NEK7: variants seen among roughly 807,000 people sequenced by gnomAD.
NEK7 encodes serine/threonine-protein kinase Nek7.
In NEK7, 18 loss-of-function variants were observed where a neutral mutation model predicts 44.6. The observed-to-expected ratio is 0.40, with a 90% CI of 0.28 to 0.60. The LOEUF is 0.60. Ranked by LOEUF, NEK7 falls within the 20% of genes least tolerant of loss-of-function variation. The pLI is 0.38. For synonymous variants in NEK7, 130 were observed against 121.1 expected (o/e 1.07, Z -0.48); for missense variants, 256 against 366.5 (o/e 0.70, Z 2.46).
intron 2 of NEK7, among the ~76,000 whole-genome samples, chr1:198,251,661 G>A (rs574326505): frequency 7.9e-5 from 12 of 151,718 alleles, no homozygotes; most frequent in Admixed American, 2.6e-4. Flanking sequence ...GTTTATTTGC[G>A]TAGAGGTGTT....
chr1:198,191,385 A>G (rs1665068883), intron 1 of NEK7, among the ~76,000 whole-genome samples: 1 of 151,776 alleles, frequency 6.6e-6, no homozygotes, highest in African/African-American at 2.4e-5. Flanking sequence ...CTGTTGTTTA[A>G]TTTGCATCTC....
rs140181207 is a variant in NEK7 at position 198,210,741 on chromosome 1, C to CTTTT, written c.-28-21786_-28-21783dup. On this transcript the variant is annotated intron_variant, in intron 1 of 9. Coordinates refer to ENST00000367385, the MANE Select transcript of NEK7 (RefSeq NM_133494.3). ...GTCATTGTCCCTTCAATTTGTATTT[C>CTTTT]TTTTTTTTTTTTTTTTTTTTTTTTT... Among the ~76,000 whole-genome samples the CTTTT allele has an allele frequency of 1.9e-3, 108 of 57,542 alleles. 14 individuals are homozygous for CTTTT. Among genetic ancestry groups the CTTTT allele is most frequent in the Non-Finnish European group, 2.5e-3 (78 of 31,006 alleles). The allele number at this position is 57,542 out of a possible 152,430, so 37.7% of individuals were successfully genotyped here.
At chr1:198,296,695 T>A (rs992332555) in intron 8 of NEK7, among the ~76,000 whole-genome samples, 2 of 152,248 alleles carry the variant, frequency 1.3e-5, no homozygotes, top group Non-Finnish European at 2.9e-5. Context: ...CTGCATTCTC[T>A]TCCCTATGCT....
At chr1:198,298,325 A>G (rs937997634) in intron 9 of NEK7, among the ~76,000 whole-genome samples, 1 of 152,208 alleles carries the variant, frequency 6.6e-6, no homozygotes, top group African/African-American at 2.4e-5. Flanking sequence ...CTTGAATAAT[A>G]AATATCTCTA....
At chr1:198,285,791 T>G (rs555770820) in intron 7 of NEK7, among the ~76,000 whole-genome samples, 7 of 152,196 alleles carry the variant, frequency 4.6e-5, no homozygotes, top group African/African-American at 1.7e-4. Flanking sequence ...GAAAAATACC[T>G]AATTTCAGTT....
At chr1:198,249,640 ATGG>A (rs1413290881) in intron 2 of NEK7, among the ~76,000 whole-genome samples, 1 of 151,830 alleles carries the variant, frequency 6.6e-6, no homozygotes, top group Admixed American at 6.6e-5. Flanking sequence ...ATGGCCAGTG[ATGG>A]TGAGCATTTT....
intron 5 of NEK7, among the ~76,000 whole-genome samples, chr1:198,275,835 C>CA (rs1183737071): frequency 2.0e-5 from 3 of 147,072 alleles, no homozygotes; most frequent in Admixed American, 6.8e-5. Flanking sequence ...TTGGTTTTCT[C>CA]AAAAAACAAA....
chr1:198,289,899 T>C (rs1050739182), intron 7 of NEK7, among the ~76,000 whole-genome samples: 3 of 152,182 alleles, frequency 2.0e-5, no homozygotes, highest in Non-Finnish European at 2.9e-5. Flanking sequence ...ATAAAACTTT[T>C]CTCATATAGC....
chr1:198,189,568 G>A (rs1665016438), intron 1 of NEK7, among the ~76,000 whole-genome samples: 1 of 152,070 alleles, frequency 6.6e-6, no homozygotes, highest in Non-Finnish European at 1.5e-5. Flanking sequence ...TTCGGCCTGG[G>A]TTGAACAAAT....
chr1:198,209,669 C>CT (rs1558057231), intron 1 of NEK7, among the ~76,000 whole-genome samples: 1 of 151,600 alleles, frequency 6.6e-6, no homozygotes, highest in Non-Finnish European at 1.5e-5. Context: ...CTCTCTCTCT[C>CT]TTTTTTTTAA....
intron 7 of NEK7, among the ~76,000 whole-genome samples, chr1:198,291,255 C>T (rs937859681): frequency 2.6e-5 from 4 of 152,164 alleles, no homozygotes; most frequent in African/African-American, 9.7e-5. Flanking sequence ...TTCCTCACTG[C>T]CAGTCACTTG....
chr1:198,229,646 C>T (rs1026001480), intron 1 of NEK7, among the ~76,000 whole-genome samples: 1 of 152,184 alleles, frequency 6.6e-6, no homozygotes, highest in Non-Finnish European at 1.5e-5. Context: ...GAAACCTTTA[C>T]ACATTTGGTC....
At chr1:198,290,263 C>T (rs1654512352) in intron 7 of NEK7, among the ~76,000 whole-genome samples, 1 of 152,152 alleles carries the variant, frequency 6.6e-6, no homozygotes, top group South Asian at 2.1e-4. Flanking sequence ...CATATCACTC[C>T]ATAACTCTCT....
intron 1 of NEK7, among the ~76,000 whole-genome samples, chr1:198,219,957 A>G (rs1666037882): frequency 7.9e-6 from 1 of 127,080 alleles, no homozygotes; most frequent in Non-Finnish European, 1.6e-5. Context: ...GGGAAATACT[A>G]TGAGACACTG....
chr1:198,183,458 G>A (rs564248554), intron 1 of NEK7, among the ~76,000 whole-genome samples: 116 of 152,260 alleles, frequency 7.6e-4, no homozygotes, highest in African/African-American at 2.7e-3. Flanking sequence ...TACAGTGAAA[G>A]ATACAATGAA....
At chr1:198,285,632 A>AT (rs1189896785) in intron 7 of NEK7, among the ~76,000 whole-genome samples, 1 of 152,012 alleles carries the variant, frequency 6.6e-6, no homozygotes, top group East Asian at 1.9e-4. Flanking sequence ...AATGTAAAAG[A>AT]TTACTTCCAT....
intron 2 of NEK7, among the ~76,000 whole-genome samples, chr1:198,242,666 G>A (rs545703367): frequency 3.4e-4 from 51 of 151,520 alleles, no homozygotes; most frequent in African/African-American, 1.2e-3. Context: ...GTTTCACTGT[G>A]TTAGCCAGGA....
intron 5 of NEK7, among the ~76,000 whole-genome samples, chr1:198,264,839 G>A (rs1274115150): frequency 1.3e-5 from 2 of 151,912 alleles, no homozygotes; most frequent in Non-Finnish European, 2.9e-5. Context: ...CCTTGGGCCA[G>A]TTACTTCTCT....
At position 198,253,157 on chromosome 1, in the gene NEK7, C is replaced by T. The variant is rs1294739821; in HGVS notation, c.175C>T (p.Pro59Ser). The T allele has an allele frequency of 1.9e-6, 3 of 1,604,024 alleles. No individual in the cohort carries two copies. The highest frequency in any genetic ancestry group is 2.6e-6 in the Non-Finnish European group (3 of 1,174,488). The stretch of plus-strand genomic sequence containing the variant: ...AGCAGCCTGTCTCTTGGATGGAGTA[C>T]CAGTAGCTTTAAAAAAAGTGCAGGT... ...YRAACLLDGV[P>S]VALKKVQIFD... is the part of the protein sequence containing the mutation. Residue 59 changes from proline (P) to serine (S), a missense_variant, in exon 3 of 10, where the codon CCA (proline) becomes TCA (serine). Pro to Ser is a moderately conservative substitution (Grantham distance 74). Around this residue, in one of 3 missense-constraint regions of NEK7, gnomAD observed 96 missense variants for 94.9 expected, o/e 1.01. Transcript: ENST00000367385.
Sources: allele counts gnomAD v4.1 joint callset (sites outside exome capture counted in the v4.1 genomes callset), GRCh38; gene constraint gnomAD v4.1.1; regional missense constraint gnomAD v4.1.1; transcripts MANE v1.5; gene names NCBI Gene and HGNC (gene_info 2026-07-23, HGNC 2026-07-21).